Variants in ERN1 observed in about 807,000 individuals in gnomAD.
ERN1 encodes the protein endoplasmic reticulum to nucleus signaling 1.
A neutral mutation model predicts 113.1 loss-of-function variants in ERN1; 39 were observed. The ratio of observed to expected loss-of-function variants is 0.34; its 90% confidence interval spans 0.27 to 0.45. The LOEUF is 0.45. Ranked by LOEUF, ERN1 falls within the 20% of genes least tolerant of loss-of-function variation. ERN1 has a pLI of 1.00. For missense variants in ERN1, 976 were observed against 1,274.8 expected (o/e 0.77, Z 3.57); for synonymous variants, 507 against 515.9 (o/e 0.98, Z 0.23).
chr17:64,064,089 G>A lies in ERN1; in HGVS notation c.984C>T (p.Asp328=), dbSNP rs1158668332. 2.5e-6 allele frequency: 4 copies of A among 1,612,734 alleles called. No homozygotes were observed. In the East Asian group the frequency reaches 8.9e-5, roughly 36 times the overall value. ...TGGGCGTGATCACACACTCCCCCTTGTCCCCAATGGTGACGCCATCAGTCT... is the reference window on the plus strand; with the variant it reads ...TGGGCGTGATCACACACTCCCCCTTATCCCCAATGGTGACGCCATCAGTCT... ...GPQTDGVTIG[D]KGECVITPST... Residue 328 remains aspartate, a synonymous_variant, in exon 10 of 22, where the codon GAC becomes GAT. Transcript: ENST00000433197.
At chr17:64,074,059 A>G (rs1913513347) in intron 5 of ERN1, among the ~76,000 whole-genome samples, 1 of 152,226 alleles carries the variant, frequency 6.6e-6, no homozygotes. Context: ...CAAAATCATA[A>G]TATGAATATG....
At chr17:64,098,933 T>G (rs2143455465) in intron 1 of ERN1, among the ~76,000 whole-genome samples, 1 of 152,320 alleles carries the variant, frequency 6.6e-6, no homozygotes, top group East Asian at 1.9e-4. Flanking sequence ...CTAGTAGCAC[T>G]GAAAATTACT....
chr17:64,071,717 C>T (rs1432292634), intron 6 of ERN1, among the ~76,000 whole-genome samples: 2 of 152,180 alleles, frequency 1.3e-5, no homozygotes, highest in South Asian at 2.1e-4. Context: ...CCACCACGCC[C>T]GGCCAGGCAA....
intron 1 of ERN1, among the ~76,000 whole-genome samples, chr17:64,115,361 CAG>C (rs1239426612): frequency 6.6e-6 from 1 of 152,156 alleles, no homozygotes; most frequent in Non-Finnish European, 1.5e-5. Flanking sequence ...TACATATATG[CAG>C]AAAGAAGGGT....
rs201655353 is a variant in ERN1, at chr17:64,054,866, A to G, written c.1673-38T>C. 2.7e-4 allele frequency: 390 copies of G among 1,463,780 alleles called. No individual in the cohort carries two copies. The highest frequency in any genetic ancestry group is 1.3e-3 in the Middle Eastern group (7 of 5,310). The allele number at this position is 1,463,780 out of a possible 1,614,324, so 90.7% of individuals were successfully genotyped here. ...AGGAAAAAGAGATTGTTTCAAACAG[A>G]TATCACCTAAAGAACCTTGAGGTTA... On this transcript the variant is annotated intron_variant, in intron 13 of 21. Coordinates refer to ENST00000433197, the MANE Select transcript of ERN1 (RefSeq NM_001433.5). This position sits in a 1 kb window ranked among gnomAD's most constrained non-coding sequence, Gnocchi z 4.9.
At chr17:64,053,441 T>C (rs1363291887) in intron 15 of ERN1, 70 bp from the exon 16 acceptor site, 3 of 1,064,976 alleles carry the variant, frequency 2.8e-6, no homozygotes, top group Non-Finnish European at 3.8e-6. Flanking sequence ...TCACTTTCTT[T>C]GATACCATTT....
At position 64,094,536 on chromosome 17, in the gene ERN1, T is replaced by C. The variant is rs150356058; in HGVS notation, c.175+3585A>G. On this transcript the variant is annotated intron_variant, in intron 2 of 21. Transcript: ENST00000433197. ...AGCGCTGGGTCCCTCCTGCCCTGTATGACTGGCCCATCTCTCTCTGAGCTG... is the reference window on the plus strand; with the variant it reads ...AGCGCTGGGTCCCTCCTGCCCTGTACGACTGGCCCATCTCTCTCTGAGCTG... Among the ~76,000 whole-genome samples the C allele has an allele frequency of 3.1e-4, 47 of 152,150 alleles. 1 individual carries two copies. Among genetic ancestry groups the C allele is most frequent in the South Asian group, 8.3e-4 (4 of 4,812 alleles).
chr17:64,065,371 A>AC, intron 8 of ERN1, 84 bp from the exon 9 acceptor site: 1 of 965,534 alleles, frequency 1.0e-6, no homozygotes, highest in Non-Finnish European at 1.6e-6. Context: ...CCCAAATACC[A>AC]CCCGCAGGGA....
chr17:64,052,304 G>A (rs1407189073), intron 17 of ERN1, among the ~76,000 whole-genome samples: 1 of 152,146 alleles, frequency 6.6e-6, no homozygotes, highest in Non-Finnish European at 1.5e-5. Context: ...CGCTAAGCAA[G>A]CCCTGACTTC....
intron 5 of ERN1, among the ~76,000 whole-genome samples, chr17:64,073,004 ATTTTT>A (rs34253228): frequency 7.8e-6 from 1 of 129,006 alleles, no homozygotes; most frequent in Admixed American, 7.7e-5. Context: ...AGCCTTTGAA[ATTTTT>A]TTTTTTTTTT....
At position 64,040,680 on chromosome 17, in the gene ERN1, C is replaced by T. The variant is rs1324688754; in HGVS notation, c.*3308G>A. 6.6e-6 allele frequency: 1 copy of T among 152,174 alleles called. No homozygotes were observed. Among genetic ancestry groups the T allele is most frequent in the African/African-American group, 2.4e-5 (1 of 41,430 alleles). 9.4% of individuals were successfully genotyped at this position (152,174 alleles called of 1,614,324 possible). On this transcript the variant is annotated 3_prime_UTR_variant, in exon 22 of 22. Transcript: ENST00000433197. ...TCTGTAACTGATCAGAGTGATGTCTCCTTGGAAGGGCCTCTGACCACCACT... is the reference window on the plus strand; with the variant it reads ...TCTGTAACTGATCAGAGTGATGTCTTCTTGGAAGGGCCTCTGACCACCACT...
Position 64,049,172 on chromosome 17 carries a change from A to G in ERN1, c.2284T>C (p.Cys762Arg). 1 of 1,603,084 alleles carries G rather than the reference A, an allele frequency of 6.2e-7. No homozygotes were observed. The highest frequency in any genetic ancestry group is 8.5e-7 in the Non-Finnish European group (1 of 1,171,518). Residue 762 changes from cysteine to arginine, a missense_variant, in exon 18 of 22, where the codon TGC becomes CGC. Cys to Arg is a radical substitution (Grantham distance 180). This residue lies in a region of ERN1 where 297 missense variants were observed against 457.8 expected (regional missense o/e 0.65). Coordinates refer to ENST00000433197, the MANE Select transcript of ERN1 (RefSeq NM_001433.5). The surrounding 1 kb of genome is among the most constrained non-coding windows in gnomAD (Gnocchi z 4.7). ...TYTVDIFSAGCVFYYVISEGS... is the reference protein window; with the variant it reads ...TYTVDIFSAGRVFYYVISEGS... ...TCAGAGATTACGTAGTAAAAGACGC[A>G]GCCTGCAGAAAAGATGTCCACCGTG...
chr17:64,099,529 TA>T (rs201851251), intron 1 of ERN1, among the ~76,000 whole-genome samples: 89 of 146,640 alleles, frequency 6.1e-4, no homozygotes, highest in Middle Eastern at 3.5e-3. Context: ...GGTCTTCAAT[TA>T]AAAAAAAAAA....
At position 64,099,399 on chromosome 17, in the gene ERN1, G is replaced by A. The variant is rs527856986; in HGVS notation, c.55-1158C>T. On this transcript the variant is annotated intron_variant, in intron 1 of 21. Coordinates refer to ENST00000433197, the MANE Select transcript of ERN1 (RefSeq NM_001433.5). ...ACGGACGCATATGCAGGTGACAGCTGGTAAGGTTTCCTGGATAAGATTTCC... is the reference window on the plus strand; with the variant it reads ...ACGGACGCATATGCAGGTGACAGCTAGTAAGGTTTCCTGGATAAGATTTCC... Among the ~76,000 whole-genome samples, 13 of 151,970 alleles carry A rather than the reference G, an allele frequency of 8.6e-5. No individual in the cohort carries two copies. In the South Asian group the frequency reaches 2.7e-3, roughly 32 times the overall value.
At chr17:64,051,166 AAAAG>A (rs1416182022) in intron 17 of ERN1, among the ~76,000 whole-genome samples, 3 of 151,886 alleles carry the variant, frequency 2.0e-5, no homozygotes, top group African/African-American at 4.8e-5. Flanking sequence ...AGAAAAAAAA[AAAAG>A]AGAGAGAGAA....
rs1598043718 is a variant in ERN1, at chr17:64,048,113, A to C, written c.2402-128T>G. The stretch of plus-strand genomic sequence containing the variant: ...TTACAGGAATTTATTCCAATAAAAT[A>C]ATTAGGAACAGACACAAAACCTCAG... On this transcript the variant is annotated intron_variant, in intron 18 of 21. Transcript: ENST00000433197. The C allele has an allele frequency of 1.0e-5, 9 of 900,286 alleles. No homozygotes were observed. In the East Asian group the frequency reaches 2.5e-4, roughly 25 times the overall value. The allele number at this position is 900,286 out of a possible 1,614,324, so 55.8% of individuals were successfully genotyped here.
chr17:64,041,976 G>C lies in ERN1; in HGVS notation c.*2012C>G, dbSNP rs1000771811. On this transcript the variant is annotated 3_prime_UTR_variant, in exon 22 of 22. Coordinates refer to ENST00000433197, the MANE Select transcript of ERN1 (RefSeq NM_001433.5). ...GAGATGACACAAAATTGGGTCACTAGAAATCACCTGGGTACTCCCAAAGAG... is the reference window on the plus strand; with the variant it reads ...GAGATGACACAAAATTGGGTCACTACAAATCACCTGGGTACTCCCAAAGAG... The C allele has an allele frequency of 6.6e-6, 1 of 152,248 alleles. No homozygotes were observed. Among genetic ancestry groups the C allele is most frequent in the African/African-American group, 2.4e-5 (1 of 41,458 alleles). 9.4% of individuals were successfully genotyped at this position (152,248 alleles called of 1,614,324 possible).
chr17:64,112,344 G>A (rs550963264), intron 1 of ERN1, among the ~76,000 whole-genome samples: 1 of 150,510 alleles, frequency 6.6e-6, no homozygotes, highest in Non-Finnish European at 1.5e-5. Flanking sequence ...CTCCAGCTTG[G>A]GCGACAGACC....
chr17:64,120,314 C>T (rs1914922564), intron 1 of ERN1, among the ~76,000 whole-genome samples: 1 of 152,124 alleles, frequency 6.6e-6, no homozygotes. Flanking sequence ...ATCTGATTTA[C>T]CTTGGTCAAC....
Sources: allele counts gnomAD v4.1 joint callset (sites outside exome capture counted in the v4.1 genomes callset), GRCh38; gene constraint gnomAD v4.1.1; regional missense constraint gnomAD v4.1.1; non-coding constraint Gnocchi (gnomAD v3.1); transcripts MANE v1.5; gene names NCBI Gene and HGNC (gene_info 2026-07-23, HGNC 2026-07-21).